Variants in JAM2 observed in about 807,000 individuals in gnomAD.
JAM2 encodes the protein junctional adhesion molecule 2.
In JAM2, 17 loss-of-function variants were observed where a neutral mutation model predicts 42.0. That is an observed-to-expected ratio of 0.40 (90% CI 0.28 to 0.61). The LOEUF (loss-of-function observed/expected upper bound fraction) is 0.61, where lower values mean the gene tolerates loss of function less well. JAM2 is among the 20% of genes least tolerant of loss of function. The probability of loss-of-function intolerance (pLI) is 0.37; values close to 1 mark genes in which losing one functional copy is unlikely to be tolerated. For missense variants in JAM2, 319 were observed against 358.3 expected (o/e 0.89, Z 0.89); for synonymous variants, 118 against 128.6 (o/e 0.92, Z 0.56).
intron 7 of JAM2, 117 bp downstream of exon 7, chr21:25,706,203 G>C: frequency 1.4e-6 from 1 of 714,298 alleles, no homozygotes; most frequent in Non-Finnish European, 2.5e-6. Context: ...TTTTCAGACA[G>C]AGTCTTGCTC....
rs201926664 is a variant in JAM2, at chr21:25,702,310, C to T, written c.697+41C>T. The stretch of plus-strand genomic sequence containing the variant: ...TGGGAGGAACAAATGGTTTGCAATT[C>T]GACTGTGAAGTACAGCAGTTGGGGG... On this transcript the variant is annotated intron_variant, in intron 6 of 9. Transcript: ENST00000480456. The T allele has an allele frequency of 3.0e-5, 40 of 1,335,792 alleles. No homozygotes were observed. In the African/African-American group the frequency reaches 4.4e-4, roughly 15 times the overall value. The allele number at this position is 1,335,792 out of a possible 1,614,324, so 82.7% of individuals were successfully genotyped here. A position where few individuals can be genotyped will look rare whatever the true frequency, so the allele number is the denominator to read the frequency against.
intron 5 of JAM2, among the ~76,000 whole-genome samples, chr21:25,700,003 C>G (rs1174128263): frequency 6.6e-6 from 1 of 152,112 alleles, no homozygotes; most frequent in Non-Finnish European, 1.5e-5. Context: ...AGATCAACAA[C>G]AGTTGACTCT....
At chr21:25,689,268 A>G (rs945014225) in intron 2 of JAM2, among the ~76,000 whole-genome samples, 1 of 152,204 alleles carries the variant, frequency 6.6e-6, no homozygotes, top group Non-Finnish European at 1.5e-5. Flanking sequence ...TTGGATAGGT[A>G]TTAATGTATT....
At chr21:25,650,315 T>C (rs959613843) in intron 1 of JAM2, among the ~76,000 whole-genome samples, 1 of 152,226 alleles carries the variant, frequency 6.6e-6, no homozygotes, top group Admixed American at 6.5e-5. Context: ...TTTTAGCCGT[T>C]ACTTTTAATG....
chr21:25,706,841 A>G (rs1280072300), intron 7 of JAM2, among the ~76,000 whole-genome samples: 2 of 151,966 alleles, frequency 1.3e-5, no homozygotes, highest in Non-Finnish European at 2.9e-5. Flanking sequence ...CCAGGTTCAC[A>G]CCATTCTCCT....
chr21:25,649,569 C>T (rs1315481518), intron 1 of JAM2, among the ~76,000 whole-genome samples: 4 of 152,086 alleles, frequency 2.6e-5, no homozygotes, highest in African/African-American at 4.8e-5. Flanking sequence ...ATTTGGGTGG[C>T]GACACAACCA....
At chr21:25,711,144 G>A (rs2034375183) in intron 8 of JAM2, among the ~76,000 whole-genome samples, 1 of 152,196 alleles carries the variant, frequency 6.6e-6, no homozygotes, top group African/African-American at 2.4e-5. Flanking sequence ...GAGTGGTGAT[G>A]GGAATAAGTG....
At chr21:25,713,779 G>A (rs951296626) in intron 9 of JAM2, among the ~76,000 whole-genome samples, 1 of 152,174 alleles carries the variant, frequency 6.6e-6, no homozygotes, top group Non-Finnish European at 1.5e-5. Context: ...CTTTGTTTCT[G>A]CAATTTACAG....
At chr21:25,710,093 T>C (rs1365084241) in intron 8 of JAM2, 2 of 152,122 alleles carry the variant, frequency 1.3e-5, no homozygotes, top group Non-Finnish European at 2.9e-5. Flanking sequence ...TTGTAAATGG[T>C]AGTACAGAGA....
intron 9 of JAM2, among the ~76,000 whole-genome samples, chr21:25,713,373 G>A (rs543647002): frequency 3.7e-4 from 57 of 152,296 alleles, no homozygotes; most frequent in African/African-American, 1.3e-3. Context: ...CTCAGATTTT[G>A]TAGCTCTTTG....
At chr21:25,689,180 A>G (rs894585202) in intron 2 of JAM2, among the ~76,000 whole-genome samples, 1 of 152,208 alleles carries the variant, frequency 6.6e-6, no homozygotes. Context: ...TTAATACTTT[A>G]ATAATTATCT....
chr21:25,673,929 G>A (rs1601018706), intron 1 of JAM2, among the ~76,000 whole-genome samples: 1 of 152,300 alleles, frequency 6.6e-6, no homozygotes, highest in Non-Finnish European at 1.5e-5. Flanking sequence ...TCATTGTAGT[G>A]AATAAGTCTC....
intron 1 of JAM2, among the ~76,000 whole-genome samples, chr21:25,673,833 T>C (rs2033417161): frequency 6.6e-6 from 1 of 152,206 alleles, no homozygotes; most frequent in African/African-American, 2.4e-5. Context: ...TCATCTTGAA[T>C]TGTAGCTCCT....
At chr21:25,680,768 CTGGA>C (rs60008405) in intron 1 of JAM2, among the ~76,000 whole-genome samples, 25,005 of 151,764 alleles carry the variant, frequency 0.16, 2,198 homozygotes, top group African/African-American at 0.22. Flanking sequence ...AAAGCAGTTT[CTGGA>C]TGGATGGATG....
intron 1 of JAM2, among the ~76,000 whole-genome samples, chr21:25,657,150 G>A (rs761729238): frequency 4.0e-5 from 6 of 151,894 alleles, no homozygotes; most frequent in South Asian, 2.1e-4. Context: ...CCAGGCTAGC[G>A]TGCAGTGGTG....
At chr21:25,659,316 G>A (rs1422979773) in intron 1 of JAM2, among the ~76,000 whole-genome samples, 1 of 151,288 alleles carries the variant, frequency 6.6e-6, no homozygotes. Context: ...CTTAAGCAAA[G>A]ATAAGTATTA....
intron 4 of JAM2, among the ~76,000 whole-genome samples, chr21:25,694,847 A>AT (rs57469408): frequency 8.9e-6 from 1 of 112,924 alleles, no homozygotes; most frequent in East Asian, 3.0e-4. Context: ...AAAAAAAAAA[A>AT]AATAAAAAGA....
chr21:25,674,008 A>G (rs1243165362), intron 1 of JAM2, among the ~76,000 whole-genome samples: 1 of 152,164 alleles, frequency 6.6e-6, no homozygotes, highest in African/African-American at 2.4e-5. Context: ...GACTGCCGCC[A>G]TGTAAGATGT....
At chr21:25,662,222 C>G (rs984719674) in intron 1 of JAM2, among the ~76,000 whole-genome samples, 5 of 152,100 alleles carry the variant, frequency 3.3e-5, no homozygotes, top group African/African-American at 7.2e-5. Flanking sequence ...ATAAAATTCA[C>G]TGCAGCCTCA....
Sources: allele counts gnomAD v4.1 joint callset (sites outside exome capture counted in the v4.1 genomes callset), GRCh38; gene constraint gnomAD v4.1.1; transcripts MANE v1.5; gene names NCBI Gene and HGNC (gene_info 2026-07-23, HGNC 2026-07-21).